Variants in RP1 observed in about 807,000 individuals in gnomAD.
RP1 encodes oxygen-regulated protein 1.
In RP1, 16 loss-of-function variants were observed where a neutral mutation model predicts 14.8. The ratio of observed to expected loss-of-function variants is 1.08; its 90% CI spans 0.73 to 1.65. RP1 has a LOEUF of 1.65. Among genes scored for constraint, RP1 ranks in the 40% most tolerant of loss-of-function variants. The pLI is 0.00. For missense variants in RP1, 2,631 were observed against 2,535.0 expected, an observed-to-expected ratio of 1.04 and a Z score of -0.81; for synonymous variants, 876 against 883.6, an observed-to-expected ratio of 0.99 and a Z score of 0.15.
In RP1 at chr8:54,702,772, G is replaced by A. The variant is rs116057715; in HGVS notation, c.1998+1110G>A. Among the ~76,000 whole-genome samples, 455 of 152,218 alleles carry A rather than the reference G, an allele frequency of 3.0e-3. 3 individuals are homozygous for A. Among genetic ancestry groups the A allele is most frequent in the African/African-American group, 9.8e-3 (406 of 41,522 alleles). ...TTTCAAAATTAGTATAAATCCTCTCGAGCTGCTGCTGCTTTATCAACTGAG... is the reference window on the plus strand; with the variant it reads ...TTTCAAAATTAGTATAAATCCTCTCAAGCTGCTGCTGCTTTATCAACTGAG... On this transcript the variant is annotated intron_variant, in intron 14 of 22. Transcript: ENST00000636932.
chr8:54,801,546 G>T (rs1042561318), intron 24 of RP1, among the ~76,000 whole-genome samples: 13 of 151,824 alleles, frequency 8.6e-5, no homozygotes, highest in African/African-American at 2.4e-4. Context: ...TTCCACAGGG[G>T]AGATAGAGGA....
intron 24 of RP1, among the ~76,000 whole-genome samples, chr8:54,818,402 G>C (rs1338431655): frequency 5.9e-5 from 9 of 152,196 alleles, no homozygotes; most frequent in Admixed American, 5.9e-4. Context: ...TCAACCCTAA[G>C]AGATGCTATT....
chr8:54,808,913 T>C (rs1021367484), intron 24 of RP1, among the ~76,000 whole-genome samples: 2 of 152,218 alleles, frequency 1.3e-5, no homozygotes, highest in African/African-American at 4.8e-5. Context: ...AAGTTCCTTA[T>C]GTTTAACAAC....
At chr8:54,679,405 C>A (rs781721882) in intron 9 of RP1, 1 of 1,533,706 alleles carries the variant, frequency 6.5e-7, no homozygotes. Flanking sequence ...AATCGATACA[C>A]TTTTCTTTTC....
chr8:54,857,964 C>G (rs1342948728), intron 27 of RP1, among the ~76,000 whole-genome samples: 1 of 152,182 alleles, frequency 6.6e-6, no homozygotes, highest in Non-Finnish European at 1.5e-5. Context: ...AACCATTTAT[C>G]ACATTGATTT....
intron 24 of RP1, among the ~76,000 whole-genome samples, chr8:54,826,060 C>T (rs556615817): frequency 4.6e-5 from 7 of 152,078 alleles, no homozygotes; most frequent in African/African-American, 1.4e-4. Context: ...CAGAGTGAGC[C>T]TGACTCAAAA....
chr8:54,833,665 A>G (rs1041425613), intron 24 of RP1, among the ~76,000 whole-genome samples: 4 of 152,082 alleles, frequency 2.6e-5, no homozygotes, highest in African/African-American at 9.7e-5. Flanking sequence ...TCCAATAGAA[A>G]TCATTCACTG....
intron 25 of RP1, among the ~76,000 whole-genome samples, chr8:54,848,650 G>C (rs1479991081): frequency 1.3e-5 from 2 of 152,130 alleles, no homozygotes; most frequent in African/African-American, 4.8e-5. Flanking sequence ...TTATAACAAA[G>C]AAACTAAAAA....
At chr8:54,681,731 C>T (rs1807438025) in intron 12 of RP1, among the ~76,000 whole-genome samples, 1 of 152,016 alleles carries the variant, frequency 6.6e-6, no homozygotes, top group African/African-American at 2.4e-5. Context: ...TTCCCCACCA[C>T]CCCCTGATGT....
chr8:54,853,787 A>G (rs1290159280), intron 26 of RP1, among the ~76,000 whole-genome samples: 2 of 145,844 alleles, frequency 1.4e-5, no homozygotes, highest in African/African-American at 5.4e-5. Flanking sequence ...AGGAAGAGAA[A>G]GAAAGAGAGA....
chr8:54,669,237 A>G (rs1807087548), intron 7 of RP1, among the ~76,000 whole-genome samples: 1 of 152,232 alleles, frequency 6.6e-6, no homozygotes, highest in Non-Finnish European at 1.5e-5. Context: ...GACGCTTATC[A>G]AAAGAAGACA....
intron 7 of RP1, among the ~76,000 whole-genome samples, chr8:54,668,653 G>A (rs80245998): frequency 0.3 from 45,419 of 151,924 alleles, 8,275 homozygotes; most frequent in Middle Eastern, 0.47. Flanking sequence ...AACCAAAACA[G>A]CATGGTACTG....
chr8:54,623,938 C>T (rs899825078), intron 3 of RP1, among the ~76,000 whole-genome samples: 10 of 152,060 alleles, frequency 6.6e-5, no homozygotes, highest in African/African-American at 9.7e-5. Flanking sequence ...AACAAAACAA[C>T]GAAATGAAAA....
rs530142497 is a variant in RP1 at position 54,852,760 on chromosome 8, CGACT to C, written c.3990+33_3990+36del. On this transcript the variant is annotated intron_variant, in intron 26 of 28. Transcript: ENST00000637698. ...GAAACAGGTCTTCATCAGTTTTTAC[CGACT>C]ATCGTTCCTTTAATTTATTTAACAA... 3.3e-5 allele frequency: 41 copies of C among 1,227,414 alleles called. No individual in the cohort carries two copies. In the South Asian group the frequency reaches 1.2e-3, roughly 36 times the overall value. The allele number at this position is 1,227,414 out of a possible 1,614,324, so 76.0% of individuals were successfully genotyped here.
chr8:54,702,540 A>G (rs1180883620), intron 14 of RP1, among the ~76,000 whole-genome samples: 6 of 152,160 alleles, frequency 3.9e-5, no homozygotes, highest in African/African-American at 1.4e-4. Context: ...GCAAGTTGTA[A>G]TCTTTTTGCT....
chr8:54,754,912 A>G, exon 20 of RP1: 1 of 1,525,896 alleles, frequency 6.6e-7, no homozygotes, highest in Non-Finnish European at 8.8e-7. Flanking sequence ...CCTGTAGTAA[A>G]AGGAGGACAA....
intron 1 of RP1, among the ~76,000 whole-genome samples, chr8:54,617,637 CTCTCCTCTGGAAA>C (rs1362227779): frequency 2.0e-5 from 3 of 152,198 alleles, no homozygotes; most frequent in Non-Finnish European, 4.4e-5. Context: ...TTTACACAGA[CTCTCCTCTGGAAA>C]TTGCCCTCTC....
At chr8:54,624,584 T>A in intron 3 of RP1, 86 bp from the exon 4 acceptor site, 1 of 1,324,176 alleles carries the variant, frequency 7.6e-7, no homozygotes, top group Non-Finnish European at 1.1e-6. Flanking sequence ...CTTTTTTTGC[T>A]GCCTCTTCCT....
At chr8:54,743,086 TC>T (rs1647475274) in intron 19 of RP1, among the ~76,000 whole-genome samples, 1 of 152,174 alleles carries the variant, frequency 6.6e-6, no homozygotes, top group African/African-American at 2.4e-5. Context: ...AAGGGACTTT[TC>T]CTACACCTTA....
Sources: allele counts gnomAD v4.1 joint callset (sites outside exome capture counted in the v4.1 genomes callset), GRCh38; gene constraint gnomAD v4.1.1; transcripts MANE v1.5; gene names NCBI Gene and HGNC (gene_info 2026-07-23, HGNC 2026-07-21).